MPDZ: variants seen among roughly 807,000 people sequenced by gnomAD.
The protein encoded by MPDZ is multiple PDZ domain crumbs cell polarity complex component.
Under a neutral mutation model 239.1 loss-of-function variants are expected in MPDZ, and 234 were observed. The observed-to-expected ratio is 0.98, with a 90% CI of 0.88 to 1.09. The LOEUF (loss-of-function observed/expected upper bound fraction) is 1.09, where lower values mean the gene tolerates loss of function less well. MPDZ is among the 50% of genes least tolerant of loss of function. The probability of loss-of-function intolerance (pLI) is 0.00; values close to 1 mark genes in which losing one functional copy is unlikely to be tolerated. For synonymous variants in MPDZ, 1,048 were observed against 881.3 expected (o/e 1.19, Z -3.35); for missense variants, 3,175 against 2,510.0 (o/e 1.26, Z -5.66).
intron 3 of MPDZ, among the ~76,000 whole-genome samples, chr9:13,227,715 T>C (rs1259549326): frequency 6.6e-6 from 1 of 152,128 alleles, no homozygotes; most frequent in Admixed American, 6.6e-5. Context: ...ATGAGAACTG[T>C]ATAAAAGTAT....
chr9:13,123,382 A>T, intron 35 of MPDZ, 84 bp from the exon 36 acceptor site: 4 of 1,213,342 alleles, frequency 3.3e-6, no homozygotes, highest in Non-Finnish European at 3.5e-6. Context: ...ATTGACTCTG[A>T]GGGATGGGGC....
intron 21 of MPDZ, among the ~76,000 whole-genome samples, chr9:13,173,618 T>C (rs1007364804): frequency 6.6e-6 from 1 of 151,722 alleles, no homozygotes; most frequent in Non-Finnish European, 1.5e-5. Flanking sequence ...GGGATGAGAA[T>C]TGCTTGAACT....
chr9:13,190,277 A>T lies in MPDZ; in HGVS notation c.1991T>A (p.Phe664Tyr). The change falls in exon 16 of 47, where the codon TTC becomes TAC. Residue 664 changes from phenylalanine to tyrosine, a missense_variant. Coordinates refer to ENST00000319217, the MANE Select transcript of MPDZ (RefSeq NM_001378778.1). ...ATCCTCTGTCTCTGATGACCCGATG[A>T]ACTCACCTAGATCTACGTGAGGCTG... ...TEKPHVDLGE[F>Y]IGSSETEDPV... 4 of 1,603,346 alleles carry T rather than the reference A, an allele frequency of 2.5e-6. No homozygotes were observed. In the South Asian group the frequency reaches 4.5e-5, roughly 18 times the overall value.
chr9:13,106,994 C>T lies in MPDZ; in HGVS notation c.6184G>A (p.Gly2062Ser). The change falls in exon 47 of 47, where the codon GGC (glycine) becomes AGC (serine). Residue 2062 changes from glycine to serine, a missense_variant. Gly to Ser is a moderately conservative substitution (Grantham distance 56). Coordinates refer to ENST00000319217, the MANE Select transcript of MPDZ (RefSeq NM_001378778.1). ...EAVAILKRTKGTVTLMVLS is the reference protein window; with the variant it reads ...EAVAILKRTKSTVTLMVLS ...GAGAGAACCATCAAAGTGACAGTGC[C>T]TTTTGTCCGTTTAAGGATGGCAACA... The T allele has an allele frequency of 6.2e-7, 1 of 1,613,682 alleles. No individual in the cohort carries two copies. Among genetic ancestry groups the T allele is most frequent in the Middle Eastern group, 1.7e-4 (1 of 6,058 alleles).
Position 13,188,907 on chromosome 9 carries a change from AG to A in MPDZ, c.2240del (p.Pro747LeufsTer8). On this transcript the variant is annotated frameshift_variant, in exon 17 of 47. Transcript: ENST00000319217. LOFTEE classifies it high-confidence loss of function. The stretch of plus-strand genomic sequence containing the variant: ...CGTTTACAAACATGAGTCGGTCACC[AG>A]GAAGAAGTCGTCCATCCTTTTCAGC... The part of the protein sequence containing the change: ...GIAEKDGRLL[P>X]GDRLMFVNDV... The A allele has an allele frequency of 1.2e-6, 2 of 1,613,570 alleles. No homozygotes were observed. Among genetic ancestry groups the A allele is most frequent in the Non-Finnish European group, 1.7e-6 (2 of 1,179,592 alleles).
chr9:13,207,032 T>C (rs765853516), intron 10 of MPDZ, among the ~76,000 whole-genome samples: 2 of 152,082 alleles, frequency 1.3e-5, no homozygotes, highest in Non-Finnish European at 2.9e-5. Context: ...CAATGCACAG[T>C]TAAGTTTGGA....
intron 1 of MPDZ, among the ~76,000 whole-genome samples, chr9:13,265,867 A>C (rs946918339): frequency 1.3e-5 from 2 of 152,158 alleles, no homozygotes; most frequent in African/African-American, 4.8e-5. Flanking sequence ...AAACTGTGGA[A>C]CTAGGAGGTA....
intron 10 of MPDZ, among the ~76,000 whole-genome samples, chr9:13,213,279 C>T (rs905299852): frequency 6.6e-6 from 1 of 151,984 alleles, no homozygotes; most frequent in African/African-American, 2.4e-5. Flanking sequence ...ACAGTGAAAC[C>T]CTGTTGACCC....
chr9:13,143,911 A>G (rs948819321), intron 26 of MPDZ, among the ~76,000 whole-genome samples: 12 of 152,084 alleles, frequency 7.9e-5, no homozygotes, highest in Admixed American at 4.6e-4. Context: ...AATACCAGTA[A>G]ACATGTTCAA....
chr9:13,176,063 A>G, intron 20 of MPDZ, 73 bp downstream of exon 20: 2 of 1,462,376 alleles, frequency 1.4e-6, no homozygotes, highest in Non-Finnish European at 1.8e-6. Context: ...AAATGAAGAG[A>G]TTAGCCAGAA....
At chr9:13,165,978 A>G (rs1951024107) in intron 22 of MPDZ, among the ~76,000 whole-genome samples, 1 of 152,180 alleles carries the variant, frequency 6.6e-6, no homozygotes, top group South Asian at 2.1e-4. Context: ...CGTAAATGGC[A>G]AAAAAGAAAT....
intron 32 of MPDZ, among the ~76,000 whole-genome samples, chr9:13,131,060 T>C (rs764275039): frequency 8.5e-5 from 13 of 152,234 alleles, no homozygotes; most frequent in Non-Finnish European, 1.9e-4. Context: ...TACATTACCA[T>C]TAAATTACTT....
Position 13,223,657 on chromosome 9 carries a change from C to T in MPDZ, c.447G>A (p.Gly149=). The change falls in exon 5 of 47, where the codon GGG becomes GGA. Residue 149 remains glycine, a synonymous_variant. Coordinates refer to ENST00000319217, the MANE Select transcript of MPDZ (RefSeq NM_001378778.1). ...CACTTCTTAGTCCCACAACACTAAACCCAAGGCCTCCAGATGGAGGTTTGA... is the reference window on the plus strand; with the variant it reads ...CACTTCTTAGTCCCACAACACTAAATCCAAGGCCTCCAGATGGAGGTTTGA... The part of the protein sequence containing the change: ...ELLKPPSGGL[G]FSVVGLRSEN... 1 of 1,611,978 alleles carries T rather than the reference C, an allele frequency of 6.2e-7. No individual in the cohort carries two copies. Among genetic ancestry groups the T allele is most frequent in the Non-Finnish European group, 8.5e-7 (1 of 1,178,880 alleles).
intron 45 of MPDZ, 149 bp from the exon 46 acceptor site, chr9:13,109,208 A>G (rs58060717): frequency 3.5e-6 from 2 of 578,982 alleles, no homozygotes; most frequent in African/African-American, 3.9e-5. Flanking sequence ...GAGATGCTTA[A>G]ATTGTCAGTG....
At chr9:13,113,162 T>A in intron 41 of MPDZ, 108 bp from the exon 42 acceptor site, 1 of 940,098 alleles carries the variant, frequency 1.1e-6, no homozygotes, top group Admixed American at 2.8e-5. Flanking sequence ...TAGGTTTCTT[T>A]TTTTAAGGGG....
At chr9:13,247,216 T>C (rs1966760423) in intron 3 of MPDZ, among the ~76,000 whole-genome samples, 1 of 152,262 alleles carries the variant, frequency 6.6e-6, no homozygotes, top group East Asian at 1.9e-4. Context: ...CCCTTCCTCA[T>C]ACACATGATT....
chr9:13,150,324 T>C (rs1012091820), intron 25 of MPDZ, among the ~76,000 whole-genome samples, 187 bp downstream of exon 25: 5 of 151,960 alleles, frequency 3.3e-5, no homozygotes, highest in Admixed American at 1.3e-4. Context: ...CACACACACA[T>C]TTTACTCGAA....
chr9:13,245,772 C>T (rs1331986726), intron 3 of MPDZ, among the ~76,000 whole-genome samples: 1 of 152,060 alleles, frequency 6.6e-6, no homozygotes, highest in Admixed American at 6.6e-5. Flanking sequence ...CACGTGGGAC[C>T]CAAATAGTCT....
chr9:13,253,207 C>A, intron 1 of MPDZ, among the ~76,000 whole-genome samples: 1 of 112,048 alleles, frequency 8.9e-6, no homozygotes, highest in East Asian at 2.8e-4. Context: ...TTTCTTCCCC[C>A]AAAAAATACA....
Sources: gnomAD v4.1 joint callset for allele counts (sites outside exome capture counted in the v4.1 genomes callset) on GRCh38, gnomAD v4.1.1 for gene constraint, MANE v1.5 for transcripts, NCBI Gene and HGNC (gene_info 2026-07-23, HGNC 2026-07-21) for gene names.